The following FOXO1 variants were observed in gnomAD, a reference collection of about 807,000 sequenced individuals.
FOXO1 encodes the protein forkhead box O1.
FOXO1 carries 6 observed loss-of-function variants against 44.1 expected under a neutral mutation model. That is an observed-to-expected ratio of 0.14 (90% CI 0.07 to 0.27). FOXO1 has a LOEUF of 0.27. Among genes scored for constraint, FOXO1 ranks in the 10% least tolerant of loss-of-function variants. The probability of loss-of-function intolerance (pLI) is 1.00; values close to 1 mark genes in which losing one functional copy is unlikely to be tolerated. For missense variants in FOXO1, 737 were observed against 888.8 expected (o/e 0.83, Z 2.17); for synonymous variants, 380 against 362.7 (o/e 1.05, Z -0.54).
chr13:40,659,225 G>T (rs1312996769), intron 1 of FOXO1, among the ~76,000 whole-genome samples: 1 of 147,574 alleles, frequency 6.8e-6, no homozygotes, highest in Non-Finnish European at 1.5e-5. Flanking sequence ...TGAGGCAGGA[G>T]AATCACCTGA....
chr13:40,665,547 G>T (rs1878202673), intron 1 of FOXO1, 36 bp downstream of exon 1: 2 of 1,346,706 alleles, frequency 1.5e-6, no homozygotes, highest in East Asian at 2.8e-5. Flanking sequence ...GACCCACCGC[G>T]CCCCCAAGGT....
At chr13:40,612,023 C>T (rs1466246807) in intron 1 of FOXO1, among the ~76,000 whole-genome samples, 1 of 152,072 alleles carries the variant, frequency 6.6e-6, no homozygotes, top group Non-Finnish European at 1.5e-5. Context: ...GAGCCAAGAT[C>T]ACGCCACTGC....
chr13:40,629,827 G>A (rs1238135056), intron 1 of FOXO1, among the ~76,000 whole-genome samples: 5 of 152,172 alleles, frequency 3.3e-5, no homozygotes, highest in African/African-American at 9.7e-5. Context: ...CAGATTCAAA[G>A]TCTCCTTGTG....
At chr13:40,627,585 C>A (rs963158245) in intron 1 of FOXO1, among the ~76,000 whole-genome samples, 1 of 152,126 alleles carries the variant, frequency 6.6e-6, no homozygotes, top group Non-Finnish European at 1.5e-5. Flanking sequence ...GTAATCCCAG[C>A]ACTTTGGGAA....
intron 1 of FOXO1, among the ~76,000 whole-genome samples, chr13:40,631,830 A>C (rs1394352057): frequency 6.6e-6 from 1 of 152,238 alleles, no homozygotes; most frequent in Non-Finnish European, 1.5e-5. Context: ...AAGAGTTCTG[A>C]AGATGGATGG....
chr13:40,648,614 G>A (rs1356015868), intron 1 of FOXO1, among the ~76,000 whole-genome samples: 1 of 151,934 alleles, frequency 6.6e-6, no homozygotes, highest in Non-Finnish European at 1.5e-5. Flanking sequence ...GTCTTCCTCT[G>A]CCGAAGGAGC....
chr13:40,561,841 C>T lies in FOXO1; in HGVS notation c.631-981G>A, dbSNP rs60090583. Among the ~76,000 whole-genome samples, 182 of 150,564 alleles carry T rather than the reference C, an allele frequency of 1.2e-3. 3 individuals are homozygous for T. The East Asian group carries it at 0.024, about 20-fold the overall frequency. Reference sequence around the variant, plus strand: ...AAAATTAGTCGGGTGTGGTGGCAGGCGCCAGTAATCCCAGCTACTTGGCAG... The same window carrying T: ...AAAATTAGTCGGGTGTGGTGGCAGGTGCCAGTAATCCCAGCTACTTGGCAG... On this transcript the variant is annotated intron_variant, in intron 1 of 2. Coordinates refer to ENST00000379561, the MANE Select transcript of FOXO1 (RefSeq NM_002015.4).
chr13:40,633,637 A>G (rs1203019775), intron 1 of FOXO1, among the ~76,000 whole-genome samples: 2 of 152,168 alleles, frequency 1.3e-5, no homozygotes, highest in East Asian at 1.9e-4. Flanking sequence ...AGTGACTGGT[A>G]GTAGATTTCT....
intron 1 of FOXO1, among the ~76,000 whole-genome samples, chr13:40,644,951 A>G (rs903655755): frequency 9.2e-5 from 14 of 152,256 alleles, no homozygotes; most frequent in Non-Finnish European, 2.9e-5. Context: ...GGAAGGCTGC[A>G]GAATTTGCTA....
At chr13:40,654,140 T>C (rs553319780) in intron 1 of FOXO1, among the ~76,000 whole-genome samples, 3 of 151,754 alleles carry the variant, frequency 2.0e-5, no homozygotes, top group Admixed American at 6.6e-5. Context: ...GGACCAGCTC[T>C]GTAACTGGAA....
intron 1 of FOXO1, among the ~76,000 whole-genome samples, chr13:40,650,957 G>C (rs111659253): frequency 6.6e-5 from 10 of 152,212 alleles, no homozygotes; most frequent in African/African-American, 2.4e-4. Flanking sequence ...GTTTCACCAC[G>C]TTAGCCAGGC....
chr13:40,586,867 T>C (rs1018927230), intron 1 of FOXO1, among the ~76,000 whole-genome samples: 1 of 152,210 alleles, frequency 6.6e-6, no homozygotes, highest in Non-Finnish European at 1.5e-5. Context: ...ATTTAGATTA[T>C]GTTTACAGCC....
chr13:40,580,304 TA>T (rs1874908924), intron 1 of FOXO1, among the ~76,000 whole-genome samples: 2 of 152,192 alleles, frequency 1.3e-5, no homozygotes, highest in Non-Finnish European at 2.9e-5. Context: ...TTGCAAACTA[TA>T]TGCTAACATT....
intron 1 of FOXO1, among the ~76,000 whole-genome samples, chr13:40,665,202 G>C (rs572665369): frequency 1.3e-5 from 2 of 151,958 alleles, no homozygotes; most frequent in African/African-American, 4.8e-5. Flanking sequence ...CCCTCCCCCC[G>C]CGGAGGTCCG....
intron 1 of FOXO1, among the ~76,000 whole-genome samples, chr13:40,642,610 C>G (rs74044553): frequency 1.1e-3 from 167 of 152,302 alleles, no homozygotes; most frequent in African/African-American, 3.9e-3. Flanking sequence ...TTCCAGCCCT[C>G]TGTTCTTCCC....
At chr13:40,589,443 T>C (rs543106369) in intron 1 of FOXO1, among the ~76,000 whole-genome samples, 1 of 152,326 alleles carries the variant, frequency 6.6e-6, no homozygotes, top group South Asian at 2.1e-4. Flanking sequence ...TTGCTAATAA[T>C]AGAAACAGTA....
rs200949422 is a variant in FOXO1, at chr13:40,657,693, G to A, written c.630+7890C>T. Among the ~76,000 whole-genome samples, 9 of 152,174 alleles carry A rather than the reference G, an allele frequency of 5.9e-5. No individual in the cohort carries two copies. In the East Asian group the frequency reaches 1.5e-3, roughly 26 times the overall value. On this transcript the variant is annotated intron_variant, in intron 1 of 2. Coordinates refer to ENST00000379561, the MANE Select transcript of FOXO1 (RefSeq NM_002015.4). ...AATACAGAACTTCATTTTTCTCTAA[G>A]ACACTTAACTCTTCCCACTGTATAT... is the stretch of plus-strand genomic sequence containing the variant.
At chr13:40,608,661 A>G (rs1876112223) in intron 1 of FOXO1, among the ~76,000 whole-genome samples, 1 of 152,100 alleles carries the variant, frequency 6.6e-6, no homozygotes. Flanking sequence ...CATTTTATTG[A>G]TTTCTCCAGG....
chr13:40,629,716 A>G (rs1876899576), intron 1 of FOXO1, among the ~76,000 whole-genome samples: 1 of 152,214 alleles, frequency 6.6e-6, no homozygotes, highest in Non-Finnish European at 1.5e-5. Context: ...TCAGATTAGG[A>G]ATATTCAACC....
Sources: allele counts gnomAD v4.1 joint callset (sites outside exome capture counted in the v4.1 genomes callset), GRCh38; gene constraint gnomAD v4.1.1; transcripts MANE v1.5; gene names NCBI Gene and HGNC (gene_info 2026-07-23, HGNC 2026-07-21).